Variants in NRG1 observed in about 807,000 individuals in gnomAD.
NRG1 encodes pro-neuregulin-1, membrane-bound isoform.
Under a neutral mutation model 63.8 loss-of-function variants are expected in NRG1, and 18 were observed. The ratio of observed to expected loss-of-function variants is 0.28; its 90% confidence interval spans 0.19 to 0.42. NRG1 has a LOEUF of 0.42. NRG1 is among the 10% of genes least tolerant of loss of function. The probability of loss-of-function intolerance (pLI) is 1.00; values close to 1 mark genes in which losing one functional copy is unlikely to be tolerated. For missense variants in NRG1, 762 were observed against 814.7 expected (o/e 0.94, Z 0.79); for synonymous variants, 302 against 301.3 (o/e 1.00, Z -0.02).
intron 1 of NRG1, among the ~76,000 whole-genome samples, chr8:31,664,216 T>G (rs1563269547): frequency 1.3e-5 from 2 of 152,156 alleles, no homozygotes; most frequent in Non-Finnish European, 2.9e-5. Context: ...TAGTCAAGAC[T>G]TAACATAACC....
intron 5 of NRG1, among the ~76,000 whole-genome samples, chr8:32,720,293 C>T (rs1005117246): frequency 6.6e-6 from 1 of 152,104 alleles, no homozygotes; most frequent in African/African-American, 2.4e-5. Context: ...ACTTGACCTT[C>T]TTCCACCCAA....
At chr8:32,498,501 T>G (rs959123200) in intron 1 of NRG1, among the ~76,000 whole-genome samples, 6 of 152,042 alleles carry the variant, frequency 3.9e-5, no homozygotes, top group Admixed American at 1.3e-4. Context: ...GAAAAGCCCC[T>G]TATAAAACCA....
At chr8:31,753,959 A>G (rs997604388) in intron 1 of NRG1, among the ~76,000 whole-genome samples, 3 of 152,150 alleles carry the variant, frequency 2.0e-5, no homozygotes, top group Non-Finnish European at 4.4e-5. Context: ...ACTGAAACAC[A>G]TCCTTCTAGG....
intron 1 of NRG1, among the ~76,000 whole-genome samples, chr8:32,176,181 A>C (rs1429235707): frequency 1.3e-5 from 2 of 152,234 alleles, no homozygotes; most frequent in Non-Finnish European, 2.9e-5. Context: ...CTGCATATCT[A>C]CAACCATCTG....
chr8:31,703,156 A>G (rs1324091904), intron 1 of NRG1, among the ~76,000 whole-genome samples: 47 of 150,614 alleles, frequency 3.1e-4, no homozygotes, highest in Admixed American at 3.0e-3. Context: ...CTTAGTTAAG[A>G]CGAAAGGGTA....
intron 1 of NRG1, among the ~76,000 whole-genome samples, chr8:32,145,655 A>G (rs1465932700): frequency 6.6e-6 from 1 of 152,248 alleles, no homozygotes; most frequent in Non-Finnish European, 1.5e-5. Flanking sequence ...TCGTAAAGTT[A>G]CTGCAATGGG....
At chr8:32,524,668 G>C (rs958396139) in intron 1 of NRG1, among the ~76,000 whole-genome samples, 1 of 152,074 alleles carries the variant, frequency 6.6e-6, no homozygotes, top group African/African-American at 2.4e-5. Flanking sequence ...TGATGCCTCT[G>C]TCTATCATGG....
intron 1 of NRG1, among the ~76,000 whole-genome samples, chr8:32,236,698 A>T (rs1386652475): frequency 2.6e-5 from 4 of 152,230 alleles, no homozygotes; most frequent in Admixed American, 2.0e-4. Flanking sequence ...AAGACCAAAC[A>T]TAGAACACTT....
chr8:32,721,922 T>C, intron 5 of NRG1: 2 of 1,510,990 alleles, frequency 1.3e-6, no homozygotes, highest in Non-Finnish European at 8.8e-7. Context: ...CTGCTCATTA[T>C]ACCTAATTGC....
chr8:31,947,972 A>T (rs1340248286), intron 1 of NRG1, among the ~76,000 whole-genome samples: 1 of 147,686 alleles, frequency 6.8e-6, no homozygotes, highest in Non-Finnish European at 1.5e-5. Flanking sequence ...AAAAAAAAAA[A>T]CTACTACTTA....
chr8:32,069,213 C>T (rs1416107069), intron 1 of NRG1, among the ~76,000 whole-genome samples: 5 of 152,050 alleles, frequency 3.3e-5, no homozygotes, highest in Admixed American at 6.6e-5. Context: ...CTGAGTTTGA[C>T]AAATAATCCC....
intron 1 of NRG1, among the ~76,000 whole-genome samples, chr8:32,375,826 C>T (rs1359183718): frequency 6.6e-6 from 1 of 152,178 alleles, no homozygotes; most frequent in East Asian, 1.9e-4. Flanking sequence ...TTGTAAGGGA[C>T]TTTCCACCAC....
chr8:32,178,567 A>G (rs1198379561), intron 1 of NRG1, among the ~76,000 whole-genome samples: 2 of 152,176 alleles, frequency 1.3e-5, no homozygotes. Flanking sequence ...CCAAGATTGC[A>G]TCATTGCACT....
intron 1 of NRG1, among the ~76,000 whole-genome samples, chr8:32,187,969 A>T (rs181680525): frequency 6.6e-6 from 1 of 152,162 alleles, no homozygotes; most frequent in Non-Finnish European, 1.5e-5. Flanking sequence ...CATAAAATAC[A>T]TCTCTGAAGG....
intron 1 of NRG1, among the ~76,000 whole-genome samples, chr8:32,393,584 A>T (rs28579694): frequency 0.27 from 40,829 of 152,080 alleles, 5,751 homozygotes; most frequent in Middle Eastern, 0.33. Context: ...CCTTTACAGG[A>T]ACATGGATGG....
Position 32,170,995 on chromosome 8 carries a change from C to A in NRG1, c.38-424833C>A, listed in dbSNP as rs1471007748. The stretch of plus-strand genomic sequence containing the variant: ...TGTGTTCCACAATGCACACTTTGAC[C>A]CCATCTAGTCTCTTCCAATATCATT... On this transcript the variant is annotated intron_variant, in intron 1 of 10. Coordinates refer to the NRG1 transcript ENST00000519301. 2.0e-5 allele frequency among the ~76,000 whole-genome samples: 3 copies of A among 152,238 alleles called. No individual in the cohort carries two copies. The East Asian group carries it at 5.8e-4, about 29-fold the overall frequency.
chr8:31,973,793 T>C (rs1223434402), intron 1 of NRG1, among the ~76,000 whole-genome samples: 1 of 152,164 alleles, frequency 6.6e-6, no homozygotes, highest in Non-Finnish European at 1.5e-5. Context: ...ATAGACCAAA[T>C]TGTCTTTAAT....
intron 1 of NRG1, among the ~76,000 whole-genome samples, chr8:32,256,213 A>G (rs1294857642): frequency 1.3e-5 from 2 of 152,004 alleles, no homozygotes; most frequent in African/African-American, 4.8e-5. Flanking sequence ...TTCTCCATCC[A>G]GTTTTGTTCC....
intron 1 of NRG1, among the ~76,000 whole-genome samples, chr8:31,958,346 G>A (rs184882389): frequency 6.6e-6 from 1 of 152,086 alleles, no homozygotes; most frequent in African/African-American, 2.4e-5. Flanking sequence ...GTACCATTTT[G>A]TTACCTCCTG....
Sources: allele counts gnomAD v4.1 joint callset (sites outside exome capture counted in the v4.1 genomes callset), GRCh38; gene constraint gnomAD v4.1.1; transcripts MANE v1.5; gene names NCBI Gene and HGNC (gene_info 2026-07-23, HGNC 2026-07-21).